The following EMP2 variants were observed in gnomAD, a reference collection of about 807,000 sequenced individuals.
The protein encoded by EMP2 is epithelial membrane protein 2.
EMP2 carries 19 observed loss-of-function variants against 13.7 expected under a neutral mutation model. The ratio of observed to expected loss-of-function variants is 1.38; its 90% CI spans 0.97 to 2.03. The LOEUF is 2.03. Ranked by LOEUF, EMP2 falls within the 30% of genes most tolerant of loss-of-function variation. The pLI, the probability that EMP2 is intolerant of heterozygous loss-of-function variation, is 0.00. For synonymous variants in EMP2, 97 were observed against 84.7 expected (o/e 1.15, Z -0.80); for missense variants, 253 against 220.7 (o/e 1.15, Z -0.93).
intron 1 of EMP2, among the ~76,000 whole-genome samples, chr16:10,560,382 G>A (rs948980557): frequency 6.6e-6 from 1 of 152,240 alleles, no homozygotes; most frequent in African/African-American, 2.4e-5. Flanking sequence ...AGTCCTGTCA[G>A]AAGGACAGGC....
chr16:10,563,001 C>T (rs1279930943), intron 1 of EMP2, among the ~76,000 whole-genome samples: 1 of 152,134 alleles, frequency 6.6e-6, no homozygotes, highest in African/African-American at 2.4e-5. Flanking sequence ...AGCATGTCAG[C>T]ATGAGAGTGA....
rs2050577857 is a variant in EMP2, at chr16:10,529,125, C to T, written c.*3780G>A. 2.6e-5 allele frequency: 4 copies of T among 152,288 alleles called. No individual in the cohort carries two copies. In the South Asian group the frequency reaches 8.3e-4, roughly 32 times the overall value. 9.4% of individuals were successfully genotyped at this position (152,288 alleles called of 1,614,324 possible). A position where few individuals can be genotyped will look rare whatever the true frequency, so the allele number is the denominator to read the frequency against. Reference sequence around the variant, plus strand: ...AATGCAAATAACAAAATGAGTTAGTCTGTCTCCATCACATAGCCCCTCAAT... The same window carrying T: ...AATGCAAATAACAAAATGAGTTAGTTTGTCTCCATCACATAGCCCCTCAAT... On this transcript the variant is annotated 3_prime_UTR_variant, in exon 5 of 5. Coordinates refer to ENST00000359543, the MANE Select transcript of EMP2 (RefSeq NM_001424.6).
At position 10,531,725 on chromosome 16, in the gene EMP2, G is replaced by A. The variant is rs2050604420; in HGVS notation, c.*1180C>T. ...AGGGTATCCCCTGTGCCTGGCACAT[G>A]CATGCAAGTTATGATTTATGTTGAT... On this transcript the variant is annotated 3_prime_UTR_variant, in exon 5 of 5. Transcript: ENST00000359543. 1 of 152,904 alleles carries A rather than the reference G, an allele frequency of 6.5e-6. No individual in the cohort carries two copies. The highest frequency in any genetic ancestry group is 2.4e-5 in the African/African-American group (1 of 41,238). 9.5% of individuals were successfully genotyped at this position (152,904 alleles called of 1,614,324 possible). A position where few individuals can be genotyped will look rare whatever the true frequency, so the allele number is the denominator to read the frequency against.
rs563301897 is a variant in EMP2, at chr16:10,543,152, C to T, written c.169+418G>A. On this transcript the variant is annotated intron_variant, in intron 3 of 4. Coordinates refer to ENST00000359543, the MANE Select transcript of EMP2 (RefSeq NM_001424.6). The stretch of plus-strand genomic sequence containing the variant: ...TGAGCCACTGAGCCCCGCCAGATCT[C>T]GGATTTCTTACTGCTGGACAGGGAA... 3.9e-5 allele frequency among the ~76,000 whole-genome samples: 6 copies of T among 152,274 alleles called. No individual in the cohort carries two copies. The South Asian group carries it at 1.0e-3, about 26-fold the overall frequency.
At chr16:10,534,330 C>T (rs543358477) in intron 4 of EMP2, among the ~76,000 whole-genome samples, 1 of 152,304 alleles carries the variant, frequency 6.6e-6, no homozygotes, top group East Asian at 1.9e-4. Context: ...AAGTGCTTGA[C>T]GCAGACGCTG....
chr16:10,578,571 T>C (rs2051000407), intron 1 of EMP2, among the ~76,000 whole-genome samples: 1 of 152,188 alleles, frequency 6.6e-6, no homozygotes. Context: ...GGTGGGGCAG[T>C]GTCAGCCCCA....
chr16:10,573,388 C>A (rs1487235175), intron 1 of EMP2, among the ~76,000 whole-genome samples: 2 of 152,172 alleles, frequency 1.3e-5, no homozygotes, highest in Non-Finnish European at 2.9e-5. Flanking sequence ...AGACTGGAAA[C>A]ACATTATGTT....
At chr16:10,563,244 T>A (rs2050885058) in intron 1 of EMP2, among the ~76,000 whole-genome samples, 1 of 152,106 alleles carries the variant, frequency 6.6e-6, no homozygotes, top group Admixed American at 6.6e-5. Flanking sequence ...CAGGCTGGAG[T>A]GCAGTGGCAC....
intron 1 of EMP2, among the ~76,000 whole-genome samples, chr16:10,552,930 C>T (rs1175988422): frequency 6.6e-6 from 1 of 152,128 alleles, no homozygotes; most frequent in African/African-American, 2.4e-5. Context: ...GTTTCTAGTA[C>T]ATGTAAAGGA....
At chr16:10,543,322 G>A (rs935320319) in intron 3 of EMP2, among the ~76,000 whole-genome samples, 3 of 152,284 alleles carry the variant, frequency 2.0e-5, no homozygotes, top group Non-Finnish European at 1.5e-5. Flanking sequence ...AAGAGGCAGA[G>A]AAGAGAAGGC....
intron 3 of EMP2, among the ~76,000 whole-genome samples, chr16:10,540,882 G>A (rs931065345): frequency 1.3e-5 from 2 of 152,108 alleles, no homozygotes; most frequent in Non-Finnish European, 2.9e-5. Flanking sequence ...GAGCTCAGGA[G>A]TTCAAGACCA....
At chr16:10,542,446 C>CA (rs1555459042) in intron 3 of EMP2, among the ~76,000 whole-genome samples, 1 of 45,520 alleles carries the variant, frequency 2.2e-5, no homozygotes, top group African/African-American at 8.4e-5. Flanking sequence ...AACCCTCCCC[C>CA]CCCACCAACA....
intron 3 of EMP2, 111 bp downstream of exon 3, chr16:10,543,451 CCACCGGAG>C: frequency 8.6e-7 from 1 of 1,163,764 alleles, no homozygotes; most frequent in Admixed American, 1.8e-5. Context: ...GCGGCCAGGC[CCACCGGAG>C]TATGCAGTGA....
chr16:10,568,081 C>T (rs1331881837), intron 1 of EMP2, among the ~76,000 whole-genome samples: 1 of 152,154 alleles, frequency 6.6e-6, no homozygotes, highest in African/African-American at 2.4e-5. Context: ...AAAGGCTTAG[C>T]CATGATCAAT....
At chr16:10,575,505 C>T (rs996781106) in intron 1 of EMP2, among the ~76,000 whole-genome samples, 2 of 151,778 alleles carry the variant, frequency 1.3e-5, no homozygotes, top group East Asian at 1.9e-4. Context: ...CCACCTACCT[C>T]GGCCTCCCAA....
At chr16:10,534,319 G>T (rs967104577) in intron 4 of EMP2, among the ~76,000 whole-genome samples, 2 of 152,174 alleles carry the variant, frequency 1.3e-5, no homozygotes, top group Non-Finnish European at 2.9e-5. Context: ...GGAATGAGCG[G>T]AAGTGCTTGA....
intron 1 of EMP2, among the ~76,000 whole-genome samples, chr16:10,558,070 C>G (rs1007434663): frequency 2.7e-5 from 4 of 150,790 alleles, no homozygotes; most frequent in Non-Finnish European, 5.9e-5. Context: ...CTCTCTGTTG[C>G]CCAGGCTGGA....
At chr16:10,556,930 G>A (rs1340267638) in intron 1 of EMP2, among the ~76,000 whole-genome samples, 4 of 152,230 alleles carry the variant, frequency 2.6e-5, no homozygotes, top group South Asian at 2.1e-4. Context: ...GCACAAGGCA[G>A]TATCAAATCA....
intron 1 of EMP2, among the ~76,000 whole-genome samples, chr16:10,561,149 C>A (rs1221259798): frequency 6.6e-6 from 1 of 151,988 alleles, no homozygotes; most frequent in African/African-American, 2.4e-5. Flanking sequence ...GAAGCAGAAG[C>A]AACAGGACTT....
Sources: gnomAD v4.1 joint callset for allele counts (sites outside exome capture counted in the v4.1 genomes callset) on GRCh38, gnomAD v4.1.1 for gene constraint, MANE v1.5 for transcripts, NCBI Gene and HGNC (gene_info 2026-07-23, HGNC 2026-07-21) for gene names.